The following BCAM variants were observed in gnomAD, a reference collection of about 807,000 sequenced individuals.
BCAM encodes basal cell adhesion molecule.
Under a neutral mutation model 72.4 loss-of-function variants are expected in BCAM, and 61 were observed. That is an observed-to-expected ratio of 0.84 (90% CI 0.69 to 1.04). The LOEUF (loss-of-function observed/expected upper bound fraction) is 1.04. BCAM is among the 50% of genes least tolerant of loss of function. BCAM has a pLI of 0.00. For missense variants in BCAM, 909 were observed against 895.0 expected (o/e 1.02, Z -0.20); for synonymous variants, 408 against 384.2 (o/e 1.06, Z -0.73).
rs772437466 is a variant in BCAM at position 44,812,326 on chromosome 19, A to T, written c.368A>T (p.Tyr123Phe). The T allele has an allele frequency of 3.1e-6, 5 of 1,613,120 alleles. No individual in the cohort carries two copies. The highest frequency in any genetic ancestry group is 2.5e-6 in the Non-Finnish European group (3 of 1,179,398). The change falls in exon 3 of 15, where the codon TAC (tyrosine) becomes TTC (phenylalanine). Residue 123 changes from tyrosine to phenylalanine, a missense_variant. Transcript: ENST00000270233. This position sits in a 1 kb window ranked among gnomAD's most constrained non-coding sequence, Gnocchi z 5.3. ...AEAQVGDERD[Y>F]VCVVRAGAAG... Reference sequence around the variant, plus strand: ...GCCCAGGTGGGCGACGAGCGAGACTACGTGTGCGTGGTGAGGGCAGGGGCG... The same window carrying T: ...GCCCAGGTGGGCGACGAGCGAGACTTCGTGTGCGTGGTGAGGGCAGGGGCG...
rs150220926 is a variant in BCAM, at chr19:44,819,583, G to A, written c.1620G>A (p.Val540=). 2.2e-4 allele frequency: 357 copies of A among 1,613,002 alleles called. 2 individuals carry two copies. In the African/African-American group the frequency reaches 4.4e-3, roughly 20 times the overall value. ...CCTCTCTCCATCCTGTCCCTGCAGT[G>A]AGCCCCCAGACCTCCCAGGCTGGAG... is the stretch of plus-strand genomic sequence containing the variant. ...NKRHVFHFGT[V]SPQTSQAGVA... is the part of the protein sequence containing the mutation. Residue 540 remains valine (V), a splice_region_variant and synonymous_variant, in exon 13 of 15, where the codon GTG becomes GTA. Transcript: ENST00000270233.
Position 44,819,924 on chromosome 19 carries a change from T to TG in BCAM, c.1763+198_1763+199insG, listed in dbSNP as rs1238492950. ...AGACTAATCCACAGCCATCCCCAAC[T>TG]CATCCTCATCCCCAACTGCAGCCCC... is the stretch of plus-strand genomic sequence containing the variant. On this transcript the variant is annotated intron_variant, in intron 13 of 14. Coordinates refer to ENST00000270233, the MANE Select transcript of BCAM (RefSeq NM_005581.5). The TG allele has an allele frequency of 7.9e-5, 24 of 302,122 alleles. No homozygotes were observed. The Admixed American group carries it at 1.6e-3, about 20-fold the overall frequency. The allele number at this position is 302,122 out of a possible 1,614,324, so 18.7% of individuals were successfully genotyped here.
At position 44,820,015 on chromosome 19, in the gene BCAM, A is replaced by C. The variant is rs1423559814; in HGVS notation, c.1763+289A>C. The C allele has an allele frequency of 1.4e-5, 18 of 1,263,912 alleles. No homozygotes were observed. The East Asian group carries it at 2.0e-4, about 14-fold the overall frequency. 78.3% of individuals were successfully genotyped at this position (1,263,912 alleles called of 1,614,324 possible). On this transcript the variant is annotated intron_variant, in intron 13 of 14. Coordinates refer to ENST00000270233, the MANE Select transcript of BCAM (RefSeq NM_005581.5). ...AAACTCAACACCATCCCCTTCCCTA[A>C]TCACCTCTCCTGCCCCTAGCTCAGC...
intron 2 of BCAM, 196 bp downstream of exon 2, chr19:44,811,542 T>C: frequency 1.2e-6 from 1 of 833,414 alleles, no homozygotes; most frequent in South Asian, 1.7e-5. Flanking sequence ...TAGAATGACA[T>C]TGACCTGCTC....
intron 8 of BCAM, among the ~76,000 whole-genome samples, chr19:44,817,206 T>C (rs556044881): frequency 2.6e-5 from 4 of 152,020 alleles, no homozygotes; most frequent in East Asian, 3.9e-4. Flanking sequence ...CACTGCACTC[T>C]AGCCTGGGCG....
In BCAM at chr19:44,814,897, T is replaced by G; in HGVS notation, c.1078+137T>G. 9.5e-7 allele frequency: 1 copy of G among 1,055,776 alleles called. No individual in the cohort carries two copies. The highest frequency in any genetic ancestry group is 1.2e-6 in the Non-Finnish European group (1 of 804,192). The allele number at this position is 1,055,776 out of a possible 1,614,324, so 65.4% of individuals were successfully genotyped here. ...ACCCTTTCTCTGCATTTCTTGGGGG[T>G]TTTTTTGGTTGTTTTTTTTTTTTTT... On this transcript the variant is annotated intron_variant, in intron 8 of 14. Transcript: ENST00000270233. This position sits in a 1 kb window ranked among gnomAD's most constrained non-coding sequence, Gnocchi z 4.6.
In BCAM at chr19:44,811,290, A is replaced by C. The variant is rs1315410100; in HGVS notation, c.148A>C (p.Ile50Leu). ...LVEVMRGKSV[I>L]LDCTPTGTHD... is the part of the protein sequence containing the mutation. Reference sequence around the variant, plus strand: ...GGAGGTGATGCGAGGAAAGTCTGTCATTCTGGACTGCACCCCTACGGGAAC... The same window carrying C: ...GGAGGTGATGCGAGGAAAGTCTGTCCTTCTGGACTGCACCCCTACGGGAAC... The change falls in exon 2 of 15, where the codon ATT becomes CTT. Residue 50 changes from isoleucine to leucine, a missense_variant. By Grantham distance (5) the Ile-to-Leu change is conservative. Coordinates refer to ENST00000270233, the MANE Select transcript of BCAM (RefSeq NM_005581.5). 6.2e-7 allele frequency: 1 copy of C among 1,613,540 alleles called. No homozygotes were observed. The highest frequency in any genetic ancestry group is 8.5e-7 in the Non-Finnish European group (1 of 1,179,892).
chr19:44,820,841 C>T lies in BCAM; in HGVS notation c.1881+19C>T. 6.6e-7 allele frequency: 1 copy of T among 1,524,218 alleles called. No individual in the cohort carries two copies. The highest frequency in any genetic ancestry group is 1.3e-5 in the South Asian group (1 of 79,826). The allele number at this position is 1,524,218 out of a possible 1,614,324, so 94.4% of individuals were successfully genotyped here. A position where few individuals can be genotyped will look rare whatever the true frequency, so the allele number is the denominator to read the frequency against. On this transcript the variant is annotated intron_variant, in intron 14 of 14. Transcript: ENST00000270233. ...AGACGAGGTGGGTGAGGGCCTGGGC[C>T]CCCTGGTGAGAGGGACCTGCTGGGC...
chr19:44,813,179 ACTC>A lies in BCAM; in HGVS notation c.505-68_505-66del. On this transcript the variant is annotated intron_variant, in intron 4 of 14. Coordinates refer to ENST00000270233, the MANE Select transcript of BCAM (RefSeq NM_005581.5). This position sits in a 1 kb window ranked among gnomAD's most constrained non-coding sequence, Gnocchi z 4.2. ...CGGCTCATGAGTCTGAGTGGGGAGA[ACTC>A]CTGAGAGAGGAGCCCCGACTTCAGA... 1.3e-6 allele frequency: 2 copies of A among 1,537,056 alleles called. No homozygotes were observed. The highest frequency in any genetic ancestry group is 2.3e-5 in the East Asian group (1 of 44,362).
chr19:44,815,362 C>A (rs1046191094), intron 8 of BCAM, among the ~76,000 whole-genome samples: 1 of 152,184 alleles, frequency 6.6e-6, no homozygotes, highest in Non-Finnish European at 1.5e-5. Context: ...TCCCTTGGCA[C>A]TTCTTACATA....
chr19:44,820,651 C>T (rs1217271862), intron 13 of BCAM, 54 bp from the exon 14 acceptor site: 3 of 1,378,440 alleles, frequency 2.2e-6, no homozygotes, highest in African/African-American at 1.5e-5. Context: ...AGTTCCTCCC[C>T]CTGCCGTGTG....
intron 13 of BCAM, chr19:44,820,417 A>G (rs1968568769): frequency 3.4e-6 from 4 of 1,179,780 alleles, no homozygotes; most frequent in Non-Finnish European, 4.2e-6. Flanking sequence ...CCCCAACCAC[A>G]TGGCCGTCCT....
Position 44,813,110 on chromosome 19 carries a change from G to A in BCAM, c.505-140G>A, listed in dbSNP as rs1268274527. The A allele has an allele frequency of 8.9e-6, 8 of 896,740 alleles. No individual in the cohort carries two copies. Among genetic ancestry groups the A allele is most frequent in the Non-Finnish European group, 1.3e-5 (8 of 594,450 alleles). 55.5% of individuals were successfully genotyped at this position (896,740 alleles called of 1,614,324 possible). A position where few individuals can be genotyped will look rare whatever the true frequency, so the allele number is the denominator to read the frequency against. ...CTCTTTAGTCTGAGTCGGGGACTAG[G>A]AATTTGGACTCCTGGGTCCTGGGAG... On this transcript the variant is annotated intron_variant, in intron 4 of 14. Coordinates refer to ENST00000270233, the MANE Select transcript of BCAM (RefSeq NM_005581.5). The surrounding 1 kb of genome is among the most constrained non-coding windows in gnomAD (Gnocchi z 4.2).
Position 44,811,486 on chromosome 19 carries a change from G to C in BCAM, c.204+140G>C, listed in dbSNP as rs958083445. 108 of 1,430,642 alleles carry C rather than the reference G, an allele frequency of 7.5e-5. 2 individuals are homozygous for C. The South Asian group carries it at 1.3e-3, about 17-fold the overall frequency. The allele number at this position is 1,430,642 out of a possible 1,614,324, so 88.6% of individuals were successfully genotyped here. A position where few individuals can be genotyped will look rare whatever the true frequency, so the allele number is the denominator to read the frequency against. On this transcript the variant is annotated intron_variant, in intron 2 of 14. Coordinates refer to ENST00000270233, the MANE Select transcript of BCAM (RefSeq NM_005581.5). ...AGATGGGGTCACTGAGTCCCACTGA[G>C]GGGAAGGGATCTGCAAGGTGCCCCG...
Position 44,812,676 on chromosome 19 carries a change from G to A in BCAM, c.504+128G>A, listed in dbSNP as rs560965645. 10 of 1,107,406 alleles carry A rather than the reference G, an allele frequency of 9.0e-6. No individual in the cohort carries two copies. The highest frequency in any genetic ancestry group is 5.1e-5 in the East Asian group (2 of 38,840). 68.6% of individuals were successfully genotyped at this position (1,107,406 alleles called of 1,614,324 possible). A position where few individuals can be genotyped will look rare whatever the true frequency, so the allele number is the denominator to read the frequency against. ...TAAAGGAGGAGGGGTAAGGCCAGGCGAGGTGGCTCATGCCTGTAATCCCAG... is the reference window on the plus strand; with the variant it reads ...TAAAGGAGGAGGGGTAAGGCCAGGCAAGGTGGCTCATGCCTGTAATCCCAG... On this transcript the variant is annotated intron_variant, in intron 4 of 14. Coordinates refer to ENST00000270233, the MANE Select transcript of BCAM (RefSeq NM_005581.5). The surrounding 1 kb of genome is among the most constrained non-coding windows in gnomAD (Gnocchi z 5.3).
intron 2 of BCAM, chr19:44,811,858 C>T: frequency 2.2e-6 from 1 of 455,388 alleles, no homozygotes; most frequent in Non-Finnish European, 3.9e-6. Context: ...GCTCTCCAGC[C>T]AGGCGACAGA....
At chr19:44,815,729 G>A (rs1037087185) in intron 8 of BCAM, among the ~76,000 whole-genome samples, 1 of 152,140 alleles carries the variant, frequency 6.6e-6, no homozygotes, top group African/African-American at 2.4e-5. Context: ...CTCAGGCTGG[G>A]TGCAGTGGTT....
At chr19:44,820,846 G>T in intron 14 of BCAM, 24 bp downstream of exon 14, 1 of 1,528,588 alleles carries the variant, frequency 6.5e-7, no homozygotes, top group Non-Finnish European at 8.8e-7. Context: ...TGGGCCCCCT[G>T]GTGAGAGGGA....
intron 8 of BCAM, among the ~76,000 whole-genome samples, chr19:44,815,725 C>T (rs1239364605): frequency 6.6e-6 from 1 of 152,150 alleles, no homozygotes; most frequent in African/African-American, 2.4e-5. Context: ...AGGTCTCAGG[C>T]TGGGTGCAGT....
Sources: allele counts gnomAD v4.1 joint callset (sites outside exome capture counted in the v4.1 genomes callset), GRCh38; gene constraint gnomAD v4.1.1; non-coding constraint Gnocchi (gnomAD v3.1); transcripts MANE v1.5; gene names NCBI Gene and HGNC (gene_info 2026-07-23, HGNC 2026-07-21).